AGBL4: variants seen among roughly 807,000 people sequenced by gnomAD.
AGBL4 encodes the protein cytosolic carboxypeptidase 6.
AGBL4 carries 58 observed loss-of-function variants against 66.4 expected under a neutral mutation model. The ratio of observed to expected loss-of-function variants is 0.87; its 90% CI spans 0.71 to 1.09. The LOEUF (loss-of-function observed/expected upper bound fraction) is 1.09, where lower values mean the gene tolerates loss of function less well. Among genes scored for constraint, AGBL4 ranks in the 50% least tolerant of loss-of-function variants. The pLI is 0.00. For missense variants in AGBL4, 579 were observed against 631.0 expected, an observed-to-expected ratio of 0.92 and a Z score of 0.88; for synonymous variants, 234 against 222.9, an observed-to-expected ratio of 1.05 and a Z score of -0.44.
intron 4 of AGBL4, among the ~76,000 whole-genome samples, chr1:49,103,154 T>C (rs1439660989): frequency 1.3e-5 from 2 of 152,182 alleles, no homozygotes; most frequent in African/African-American, 4.8e-5. Context: ...GCTTACCCAA[T>C]AGTTTCTGTC....
intron 2 of AGBL4, among the ~76,000 whole-genome samples, chr1:49,796,678 AT>A (rs1644738752): frequency 6.6e-6 from 1 of 151,706 alleles, no homozygotes; most frequent in South Asian, 2.1e-4. Flanking sequence ...TTTTCTATAA[AT>A]TAAAAATAAA....
intron 3 of AGBL4, among the ~76,000 whole-genome samples, chr1:49,582,862 G>C (rs2148885591): frequency 6.6e-6 from 1 of 152,192 alleles, no homozygotes; most frequent in East Asian, 1.9e-4. Flanking sequence ...TAATTTTTCA[G>C]TAACATTTTC....
At chr1:49,138,959 C>A (rs532366763) in intron 4 of AGBL4, among the ~76,000 whole-genome samples, 18 of 152,212 alleles carry the variant, frequency 1.2e-4, no homozygotes, top group African/African-American at 4.1e-4. Flanking sequence ...GGGGAGGCCT[C>A]AGGAAACTTA....
chr1:50,005,551 A>G (rs757727463), intron 1 of AGBL4, among the ~76,000 whole-genome samples: 44 of 152,322 alleles, frequency 2.9e-4, no homozygotes, highest in South Asian at 1.5e-3. Flanking sequence ...ACAAGCTCAG[A>G]CTGCAAAGAC....
chr1:48,660,897 C>T (rs962649218), intron 7 of AGBL4, among the ~76,000 whole-genome samples: 1 of 152,140 alleles, frequency 6.6e-6, no homozygotes, highest in Non-Finnish European at 1.5e-5. Flanking sequence ...CTGAGTGGGA[C>T]AAGGGAACAT....
rs546074556 is a variant in AGBL4, at chr1:49,899,893, T to G, written c.35-48375A>C. 3.3e-5 allele frequency among the ~76,000 whole-genome samples: 5 copies of G among 151,990 alleles called. No homozygotes were observed. The South Asian group carries it at 1.0e-3, about 32-fold the overall frequency. ...CCATCTCTACTAAAAATACAAAAATTAGCTAAGCATTAGTGGCACATGCCT... is the reference window on the plus strand; with the variant it reads ...CCATCTCTACTAAAAATACAAAAATGAGCTAAGCATTAGTGGCACATGCCT... On this transcript the variant is annotated intron_variant, in intron 1 of 13. Coordinates refer to ENST00000371839, the MANE Select transcript of AGBL4 (RefSeq NM_032785.4).
At chr1:49,280,941 G>A (rs923552349) in intron 3 of AGBL4, among the ~76,000 whole-genome samples, 5 of 151,974 alleles carry the variant, frequency 3.3e-5, no homozygotes, top group Non-Finnish European at 7.4e-5. Context: ...AACAGTAAAG[G>A]GTAAGAAAAT....
chr1:48,887,290 T>C (rs1005051084), intron 5 of AGBL4, among the ~76,000 whole-genome samples: 2 of 152,162 alleles, frequency 1.3e-5, no homozygotes, highest in African/African-American at 4.8e-5. Flanking sequence ...CTTAGGAGTT[T>C]GACTTTTATT....
chr1:48,704,433 TTTTAA>T (rs1216544726), intron 6 of AGBL4, among the ~76,000 whole-genome samples: 1 of 152,226 alleles, frequency 6.6e-6, no homozygotes, highest in African/African-American at 2.4e-5. Context: ...CTTTATAAAC[TTTTAA>T]TTTTTTTAAC....
At chr1:49,488,548 A>G (rs750802650) in intron 3 of AGBL4, among the ~76,000 whole-genome samples, 1 of 151,814 alleles carries the variant, frequency 6.6e-6, no homozygotes, top group Non-Finnish European at 1.5e-5. Flanking sequence ...TTTTAGAAAC[A>G]ATCCAATGAT....
At chr1:49,195,110 G>A (rs905765886) in intron 4 of AGBL4, among the ~76,000 whole-genome samples, 3 of 152,050 alleles carry the variant, frequency 2.0e-5, no homozygotes, top group Non-Finnish European at 1.5e-5. Context: ...CCAAAATGTC[G>A]AGATTGAAGG....
chr1:49,033,763 A>T (rs954476346), intron 5 of AGBL4, among the ~76,000 whole-genome samples: 10 of 150,598 alleles, frequency 6.6e-5, no homozygotes, highest in Non-Finnish European at 7.4e-5. Context: ...TTCTGTGATT[A>T]TATCATGTTC....
At chr1:49,859,589 A>T (rs1327264244) in intron 1 of AGBL4, among the ~76,000 whole-genome samples, 1 of 152,184 alleles carries the variant, frequency 6.6e-6, no homozygotes, top group African/African-American at 2.4e-5. Context: ...CCTTGACATG[A>T]TAAAAGGAAT....
chr1:49,324,905 AC>A (rs1158533902), intron 3 of AGBL4, among the ~76,000 whole-genome samples: 1 of 152,258 alleles, frequency 6.6e-6, no homozygotes, highest in Admixed American at 6.5e-5. Context: ...CAATGATCAC[AC>A]AGTCCTTATA....
At chr1:49,479,992 C>A (rs932838952) in intron 3 of AGBL4, among the ~76,000 whole-genome samples, 1 of 152,066 alleles carries the variant, frequency 6.6e-6, no homozygotes, top group Non-Finnish European at 1.5e-5. Context: ...CAGGCGTGAG[C>A]CACGGCGCCC....
At chr1:49,842,352 C>T (rs1646018189) in intron 2 of AGBL4, 3 of 556,184 alleles carry the variant, frequency 5.4e-6, no homozygotes, top group Admixed American at 2.6e-5. Context: ...GAGCCATGGG[C>T]GGTGGACTCT....
intron 1 of AGBL4, among the ~76,000 whole-genome samples, chr1:49,999,031 AT>A (rs1660558862): frequency 6.6e-6 from 1 of 152,266 alleles, no homozygotes; most frequent in Non-Finnish European, 1.5e-5. Context: ...CAAGACAAGG[AT>A]GCCCACTTTC....
chr1:48,630,852 G>A (rs1487489021), intron 9 of AGBL4, among the ~76,000 whole-genome samples: 4 of 152,116 alleles, frequency 2.6e-5, no homozygotes, highest in African/African-American at 9.7e-5. Flanking sequence ...CACCCTCTCA[G>A]GGCAGGTGCA....
intron 3 of AGBL4, among the ~76,000 whole-genome samples, chr1:49,619,659 G>A (rs1038783134): frequency 6.6e-6 from 1 of 151,904 alleles, no homozygotes; most frequent in South Asian, 2.1e-4. Context: ...TCTGTATAGC[G>A]AAGACAATCC....
Sources: gnomAD v4.1 joint callset for allele counts (sites outside exome capture counted in the v4.1 genomes callset) on GRCh38, gnomAD v4.1.1 for gene constraint, MANE v1.5 for transcripts, NCBI Gene and HGNC (gene_info 2026-07-23, HGNC 2026-07-21) for gene names.